The following JMY variants were observed in gnomAD, a reference collection of about 807,000 sequenced individuals.
JMY encodes the protein junction mediating and regulatory protein, p53 cofactor, also known as junction-mediating and -regulatory protein.
A neutral mutation model predicts 103.3 loss-of-function variants in JMY; 46 were observed. That is an observed-to-expected ratio of 0.45 (90% CI 0.35 to 0.57). JMY has a LOEUF of 0.57. JMY is among the 20% of genes least tolerant of loss of function. JMY has a pLI of 0.00. For synonymous variants in JMY, 526 were observed against 489.3 expected (o/e 1.07, Z -0.99); for missense variants, 1,238 against 1,255.2 (o/e 0.99, Z 0.21).
At chr5:79,286,531 T>C (rs1746271957) in intron 2 of JMY, among the ~76,000 whole-genome samples, 1 of 151,762 alleles carries the variant, frequency 6.6e-6, no homozygotes, top group Non-Finnish European at 1.5e-5. Context: ...CAATCCCAAC[T>C]ACTCAGGAAG....
Position 79,278,019 on chromosome 5 carries a change from A to G in JMY, c.1142A>G (p.Gln381Arg), listed in dbSNP as rs759535147. The G allele has an allele frequency of 3.1e-6, 5 of 1,614,132 alleles. No homozygotes were observed. Among genetic ancestry groups the G allele is most frequent in the African/African-American group, 1.3e-5 (1 of 75,046 alleles). Residue 381 changes from glutamine to arginine, a missense_variant, in exon 2 of 11, where the codon CAG (glutamine) becomes CGG (arginine). Physicochemically the swap from Gln to Arg is conservative, Grantham distance 43 (BLOSUM62 1). Transcript: ENST00000396137. ...SLAEATTELY[Q>R]YLLQPFRDMR... ...GCAGAAGCTACAACCGAACTCTATC[A>G]GTATTTACTACAGCCATTCCGAGAC... is the stretch of plus-strand genomic sequence containing the variant.
rs148051490 is a variant in JMY at position 79,272,417 on chromosome 5, T to C, written c.1033-5493T>C. On this transcript the variant is annotated intron_variant, in intron 1 of 10. Transcript: ENST00000396137. Reference sequence around the variant, plus strand: ...TGTTTTCTGTTTATATCTTCTGTTTTGGTTTCCTTTTTTTTCTTTTCTTTT... The same window carrying C: ...TGTTTTCTGTTTATATCTTCTGTTTCGGTTTCCTTTTTTTTCTTTTCTTTT... Among the ~76,000 whole-genome samples the C allele has an allele frequency of 8.2e-3, 1,244 of 152,302 alleles. 9 individuals carry two copies. Among genetic ancestry groups the C allele is most frequent in the Middle Eastern group, 0.034 (10 of 294 alleles).
At chr5:79,284,259 A>T in intron 2 of JMY, 1 of 1,511,882 alleles carries the variant, frequency 6.6e-7, no homozygotes, top group Non-Finnish European at 9.1e-7. Flanking sequence ...TCCCAATTCA[A>T]ACTTGGGCTT....
chr5:79,295,568 C>T (rs1407257263), intron 4 of JMY, among the ~76,000 whole-genome samples: 1 of 152,168 alleles, frequency 6.6e-6, no homozygotes, highest in Non-Finnish European at 1.5e-5. Context: ...GAAGGGAATA[C>T]AGAGAAGAAA....
intron 4 of JMY, among the ~76,000 whole-genome samples, chr5:79,298,858 CTG>C (rs376864718): frequency 2.0e-5 from 3 of 152,108 alleles, no homozygotes; most frequent in African/African-American, 7.2e-5. Flanking sequence ...GATATATAGA[CTG>C]TAAAGCAAAA....
chr5:79,309,903 C>T (rs1000410922), intron 7 of JMY, among the ~76,000 whole-genome samples: 10 of 151,892 alleles, frequency 6.6e-5, no homozygotes, highest in African/African-American at 2.4e-4. Context: ...AGGTTCCACA[C>T]TTCCAATATA....
In JMY at chr5:79,284,365, A is replaced by G. The variant is rs2112091903; in HGVS notation, c.1207-5756A>G. On this transcript the variant is annotated intron_variant, in intron 2 of 10. Transcript: ENST00000396137. The stretch of plus-strand genomic sequence containing the variant: ...TTCCAATGCTGTCTGGAATCAATTT[A>G]TTGACCACTTCTTTCAAGGCATTTG... 7 of 1,283,240 alleles carry G rather than the reference A, an allele frequency of 5.5e-6. 1 individual carries two copies. In the South Asian group the frequency reaches 7.1e-5, roughly 13 times the overall value. 79.5% of individuals were successfully genotyped at this position (1,283,240 alleles called of 1,614,324 possible). A position where few individuals can be genotyped will look rare whatever the true frequency, so the allele number is the denominator to read the frequency against.
In JMY at chr5:79,279,652, G is replaced by A. The variant is rs1405654596; in HGVS notation, c.1206+1569G>A. Among the ~76,000 whole-genome samples, 4 of 152,148 alleles carry A rather than the reference G, an allele frequency of 2.6e-5. No homozygotes were observed. The East Asian group carries it at 7.7e-4, about 29-fold the overall frequency. On this transcript the variant is annotated intron_variant, in intron 2 of 10. Transcript: ENST00000396137. ...ATTTTCTCTTTACTAACGTATCAGG[G>A]TGGAGAGTAGGACAGTCACACGACT...
At chr5:79,292,989 A>G (rs1010557637) in intron 4 of JMY, among the ~76,000 whole-genome samples, 1 of 152,174 alleles carries the variant, frequency 6.6e-6, no homozygotes, top group Non-Finnish European at 1.5e-5. Context: ...TTTTATTAGC[A>G]TTAATTTAAC....
chr5:79,308,027 G>A (rs1447039937), intron 7 of JMY, among the ~76,000 whole-genome samples: 3 of 152,056 alleles, frequency 2.0e-5, no homozygotes, highest in Admixed American at 6.6e-5. Context: ...ATGAGCCACC[G>A]TGCCTAGCCT....
intron 4 of JMY, among the ~76,000 whole-genome samples, chr5:79,292,676 G>T (rs1380444855): frequency 6.6e-6 from 1 of 152,020 alleles, no homozygotes. Flanking sequence ...TTCTGTCAGT[G>T]GACAGCTGCC....
At chr5:79,244,632 A>G (rs749105219) in intron 1 of JMY, among the ~76,000 whole-genome samples, 5 of 149,420 alleles carry the variant, frequency 3.3e-5, no homozygotes, top group Non-Finnish European at 5.9e-5. Flanking sequence ...CTGTTGCTCC[A>G]TTGATGGTTA....
At chr5:79,278,170 TAA>T (rs56785564) in intron 2 of JMY, 87 bp downstream of exon 2, 277,918 of 647,066 alleles carry the variant, frequency 0.43, 32,608 homozygotes, top group Admixed American at 0.47. Context: ...AGAGGAACTT[TAA>T]AAAAAAAAAA....
At chr5:79,270,651 A>AAT (rs1244727483) in intron 1 of JMY, among the ~76,000 whole-genome samples, 2 of 72,880 alleles carry the variant, frequency 2.7e-5, no homozygotes, top group South Asian at 3.4e-4. Context: ...ATTTATATAA[A>AAT]ATATATATTT....
At chr5:79,280,075 C>T (rs1178879797) in intron 2 of JMY, among the ~76,000 whole-genome samples, 1 of 152,156 alleles carries the variant, frequency 6.6e-6, no homozygotes, top group African/African-American at 2.4e-5. Flanking sequence ...AACTCTTGAA[C>T]TCCAGCAATC....
chr5:79,279,024 G>A (rs1458970118), intron 2 of JMY, among the ~76,000 whole-genome samples: 1 of 152,046 alleles, frequency 6.6e-6, no homozygotes, highest in Non-Finnish European at 1.5e-5. Context: ...TTATTAGTGT[G>A]TGACAAAGTA....
chr5:79,289,982 C>G (rs1746375259), intron 2 of JMY, 139 bp from the exon 3 acceptor site: 1 of 611,924 alleles, frequency 1.6e-6, no homozygotes, highest in South Asian at 3.3e-5. Flanking sequence ...ATTGTTAATT[C>G]ACTTGTTTTG....
At chr5:79,311,892 C>A (rs1747058540) in intron 7 of JMY, among the ~76,000 whole-genome samples, 1 of 152,162 alleles carries the variant, frequency 6.6e-6, no homozygotes, top group Non-Finnish European at 1.5e-5. Context: ...TCTCGGCTCA[C>A]TGCAACCTCT....
At chr5:79,298,404 G>A (rs1746628148) in intron 4 of JMY, among the ~76,000 whole-genome samples, 1 of 152,162 alleles carries the variant, frequency 6.6e-6, no homozygotes, top group Non-Finnish European at 1.5e-5. Context: ...GCAGAGCTGG[G>A]CAAGAGCCCC....
Sources: allele counts gnomAD v4.1 joint callset (sites outside exome capture counted in the v4.1 genomes callset), GRCh38; gene constraint gnomAD v4.1.1; transcripts MANE v1.5; gene names NCBI Gene and HGNC (gene_info 2026-07-23, HGNC 2026-07-21).